The following PTPRD variants were observed in gnomAD, a reference collection of about 807,000 sequenced individuals.
PTPRD encodes the protein receptor-type tyrosine-protein phosphatase delta.
A neutral mutation model predicts 214.5 loss-of-function variants in PTPRD; 34 were observed. The ratio of observed to expected loss-of-function variants is 0.16; its 90% confidence interval spans 0.12 to 0.21. PTPRD has a LOEUF of 0.21. Among genes scored for constraint, PTPRD ranks in the 10% least tolerant of loss-of-function variants. PTPRD has a pLI of 1.00. For synonymous variants in PTPRD, 1,128 were observed against 845.7 expected, an observed-to-expected ratio of 1.33 and a Z score of -5.79; for missense variants, 2,545 against 2,398.7, an observed-to-expected ratio of 1.06 and a Z score of -1.27.
At chr9:8,633,638 A>C (rs1274103971) in intron 13 of PTPRD, among the ~76,000 whole-genome samples, 180 bp from the exon 14 acceptor site, 1 of 152,096 alleles carries the variant, frequency 6.6e-6, no homozygotes, top group Non-Finnish European at 1.5e-5. Flanking sequence ...TCTTCTACTG[A>C]ACAAGGAGAA....
chr9:9,130,011 T>G (rs539722959), intron 10 of PTPRD, among the ~76,000 whole-genome samples: 2 of 152,302 alleles, frequency 1.3e-5, no homozygotes, highest in Non-Finnish European at 2.9e-5. Context: ...TAAGAGTGCC[T>G]GACATATAAT....
chr9:8,935,295 T>C (rs1349876757), intron 11 of PTPRD, among the ~76,000 whole-genome samples: 1 of 152,182 alleles, frequency 6.6e-6, no homozygotes, highest in Non-Finnish European at 1.5e-5. Context: ...CAATTGCATT[T>C]CTATATACTA....
intron 9 of PTPRD, among the ~76,000 whole-genome samples, chr9:9,206,047 G>C (rs2099944684): frequency 6.6e-6 from 1 of 152,204 alleles, no homozygotes; most frequent in Non-Finnish European, 1.5e-5. Flanking sequence ...AAGAAAATGA[G>C]GAAGTAAGTT....
At chr9:9,227,798 A>G (rs2099960495) in intron 9 of PTPRD, among the ~76,000 whole-genome samples, 1 of 152,102 alleles carries the variant, frequency 6.6e-6, no homozygotes, top group Non-Finnish European at 1.5e-5. Context: ...CCATCTTGGA[A>G]ATGGATCCTC....
At chr9:9,592,555 C>T (rs970600824) in intron 7 of PTPRD, among the ~76,000 whole-genome samples, 2 of 151,904 alleles carry the variant, frequency 1.3e-5, no homozygotes, top group African/African-American at 2.4e-5. Flanking sequence ...ATTTGAGCAT[C>T]GAGCAAATCA....
intron 4 of PTPRD, among the ~76,000 whole-genome samples, chr9:9,945,312 A>G (rs920657126): frequency 5.9e-5 from 9 of 152,158 alleles, no homozygotes; most frequent in African/African-American, 2.2e-4. Flanking sequence ...ATTAGGATAT[A>G]GGTGGTATTA....
intron 8 of PTPRD, among the ~76,000 whole-genome samples, chr9:9,410,090 G>A (rs1047956600): frequency 3.3e-5 from 5 of 152,104 alleles, no homozygotes; most frequent in African/African-American, 1.2e-4. Context: ...TCACTAAGCA[G>A]CCTTATACAA....
chr9:10,084,379 T>C (rs1377024831), intron 3 of PTPRD, among the ~76,000 whole-genome samples: 2 of 151,942 alleles, frequency 1.3e-5, no homozygotes, highest in African/African-American at 4.8e-5. Flanking sequence ...ATCTGTTAAA[T>C]TGTGAGAAGA....
intron 8 of PTPRD, among the ~76,000 whole-genome samples, chr9:9,522,205 T>C (rs572478597): frequency 6.7e-6 from 1 of 148,284 alleles, no homozygotes; most frequent in Non-Finnish European, 1.5e-5. Flanking sequence ...TAATTTTGCA[T>C]ATTCAGAATA....
At chr9:8,730,310 G>T (rs749068060) in intron 12 of PTPRD, among the ~76,000 whole-genome samples, 21 of 152,220 alleles carry the variant, frequency 1.4e-4, no homozygotes, top group Non-Finnish European at 2.8e-4. Flanking sequence ...CTACAGCAAG[G>T]CTCTTTAACA....
At chr9:10,289,897 T>A (rs561143606) in intron 3 of PTPRD, among the ~76,000 whole-genome samples, 3 of 152,150 alleles carry the variant, frequency 2.0e-5, no homozygotes, top group Admixed American at 6.6e-5. Flanking sequence ...GAAAAACAGA[T>A]CCCTTATGTG....
chr9:9,275,833 A>ATGTGTGTGTG (rs71500979), intron 9 of PTPRD, among the ~76,000 whole-genome samples: 1 of 143,192 alleles, frequency 7.0e-6, no homozygotes, highest in Non-Finnish European at 1.5e-5. Context: ...GTGTGTGTGT[A>ATGTGTGTGTG]TGTGTGTGTG....
chr9:8,949,615 T>C (rs944389726), intron 11 of PTPRD, among the ~76,000 whole-genome samples: 1 of 152,140 alleles, frequency 6.6e-6, no homozygotes, highest in Admixed American at 6.6e-5. Context: ...TTTAAATACA[T>C]TGAGGTCACC....
intron 5 of PTPRD, among the ~76,000 whole-genome samples, chr9:9,805,828 A>G (rs554005439): frequency 5.3e-5 from 8 of 152,276 alleles, no homozygotes; most frequent in Non-Finnish European, 7.4e-5. Flanking sequence ...AAATACTCCT[A>G]TTGAGTGAGA....
chr9:10,264,638 G>C (rs2093929397), intron 3 of PTPRD, among the ~76,000 whole-genome samples: 1 of 152,168 alleles, frequency 6.6e-6, no homozygotes, highest in South Asian at 2.1e-4. Context: ...ATAGGCCAAA[G>C]GGACTTGCCT....
chr9:9,786,799 G>A (rs148368797), intron 5 of PTPRD, among the ~76,000 whole-genome samples: 46 of 152,248 alleles, frequency 3.0e-4, no homozygotes, highest in African/African-American at 1.0e-3. Context: ...CAGGTAAGTT[G>A]CACTCTAGAG....
chr9:8,977,650 T>A (rs1011546086), intron 11 of PTPRD, among the ~76,000 whole-genome samples: 23 of 147,646 alleles, frequency 1.6e-4, no homozygotes, highest in African/African-American at 5.5e-4. Context: ...TCTATACTAT[T>A]CTGTAACAAG....
chr9:8,964,939 A>C (rs1468360318), intron 11 of PTPRD, among the ~76,000 whole-genome samples: 1 of 152,104 alleles, frequency 6.6e-6, no homozygotes, highest in East Asian at 1.9e-4. Context: ...TTTTTTAAAA[A>C]GTTTATTGAG....
At chr9:10,549,816 ATTTT>A in intron 2 of PTPRD, among the ~76,000 whole-genome samples, 1 of 151,868 alleles carries the variant, frequency 6.6e-6, no homozygotes, top group Middle Eastern at 3.4e-3. Context: ...TTTTAAAAAG[ATTTT>A]TTTTTAATTT....
Sources: allele counts gnomAD v4.1 joint callset (sites outside exome capture counted in the v4.1 genomes callset), GRCh38; gene constraint gnomAD v4.1.1; transcripts MANE v1.5; gene names NCBI Gene and HGNC (gene_info 2026-07-23, HGNC 2026-07-21).